The following GRIK2 variants were observed in gnomAD, a reference collection of about 807,000 sequenced individuals.
The protein encoded by GRIK2 is glutamate ionotropic receptor kainate type subunit 2.
Under a neutral mutation model 100.3 loss-of-function variants are expected in GRIK2, and 32 were observed. That is an observed-to-expected ratio of 0.32 (90% CI 0.24 to 0.43). The LOEUF is 0.43. Among genes scored for constraint, GRIK2 ranks in the 20% least tolerant of loss-of-function variants. GRIK2 has a pLI of 1.00. For missense variants in GRIK2, 843 were observed against 1,114.9 expected, an observed-to-expected ratio of 0.76 and a Z score of 3.47; for synonymous variants, 417 against 389.4, an observed-to-expected ratio of 1.07 and a Z score of -0.83.
intron 2 of GRIK2, among the ~76,000 whole-genome samples, chr6:101,459,097 C>A (rs1217133823): frequency 3.0e-5 from 2 of 67,516 alleles, no homozygotes; most frequent in Non-Finnish European, 5.5e-5. Context: ...GCTAAGGTCC[C>A]CAGAACACCA....
chr6:101,648,534 T>C (rs1460381080), intron 4 of GRIK2, among the ~76,000 whole-genome samples: 3 of 152,124 alleles, frequency 2.0e-5, no homozygotes, highest in Non-Finnish European at 4.4e-5. Flanking sequence ...AATATAAAAA[T>C]TTCCTTTGAA....
intron 10 of GRIK2, among the ~76,000 whole-genome samples, chr6:101,850,880 A>G (rs1784092857): frequency 6.6e-6 from 1 of 152,034 alleles, no homozygotes; most frequent in South Asian, 2.1e-4. Context: ...GTGATGCAGT[A>G]ATTGCTTTTG....
At chr6:101,512,791 T>G (rs1483118145) in intron 2 of GRIK2, among the ~76,000 whole-genome samples, 1 of 152,038 alleles carries the variant, frequency 6.6e-6, no homozygotes, top group East Asian at 1.9e-4. Flanking sequence ...TAAAGAATCA[T>G]TATATTTTAA....
intron 9 of GRIK2, among the ~76,000 whole-genome samples, chr6:101,803,604 A>G (rs1780808218): frequency 6.6e-6 from 1 of 151,958 alleles, no homozygotes; most frequent in African/African-American, 2.4e-5. Context: ...TGATAATGGT[A>G]GAATTCAGTA....
chr6:101,617,433 T>C (rs1321236015), intron 2 of GRIK2, among the ~76,000 whole-genome samples: 1 of 151,852 alleles, frequency 6.6e-6, no homozygotes, highest in East Asian at 1.9e-4. Context: ...TAGTTCTTTA[T>C]TGATGCAGGT....
chr6:101,752,824 AAAGTT>A (rs1286635631), intron 7 of GRIK2, among the ~76,000 whole-genome samples: 3 of 152,334 alleles, frequency 2.0e-5, no homozygotes, highest in Middle Eastern at 6.8e-3. Flanking sequence ...AGCTTTGTAC[AAAGTT>A]AAGTAGTTTT....
chr6:101,693,595 G>A (rs1329066610), intron 7 of GRIK2, among the ~76,000 whole-genome samples: 3 of 152,030 alleles, frequency 2.0e-5, no homozygotes, highest in Non-Finnish European at 2.9e-5. Context: ...TGGTTAGAAC[G>A]TGGACTTATT....
chr6:101,731,920 A>G (rs1429885378), intron 7 of GRIK2, among the ~76,000 whole-genome samples: 1 of 152,058 alleles, frequency 6.6e-6, no homozygotes, highest in Admixed American at 6.6e-5. Context: ...TAGTTTTCCT[A>G]GGAATTACAA....
intron 2 of GRIK2, among the ~76,000 whole-genome samples, chr6:101,495,004 G>T (rs1773357562): frequency 2.5e-5 from 2 of 79,186 alleles, no homozygotes; most frequent in Non-Finnish European, 5.5e-5. Flanking sequence ...TATATATGAA[G>T]GAAAATTATA....
chr6:101,598,600 A>G (rs1353562155), intron 2 of GRIK2, among the ~76,000 whole-genome samples: 1 of 142,242 alleles, frequency 7.0e-6, no homozygotes, highest in Non-Finnish European at 1.5e-5. Context: ...AATAAAAAAA[A>G]AAAAAAAAAA....
At chr6:101,810,747 A>G (rs80293046) in intron 9 of GRIK2, among the ~76,000 whole-genome samples, 9,927 of 150,964 alleles carry the variant, frequency 0.066, 349 homozygotes, top group African/African-American at 0.091. Flanking sequence ...GCAACTAACT[A>G]TCTCTACTTT....
chr6:101,514,735 G>T (rs1774496555), intron 2 of GRIK2, among the ~76,000 whole-genome samples: 1 of 152,030 alleles, frequency 6.6e-6, no homozygotes, highest in African/African-American at 2.4e-5. Context: ...CTGTGGAAAT[G>T]TATAAAGTGA....
intron 12 of GRIK2, among the ~76,000 whole-genome samples, chr6:101,907,666 A>G (rs1186425749): frequency 6.6e-6 from 1 of 151,670 alleles, no homozygotes; most frequent in East Asian, 1.9e-4. Context: ...GCGGTTTTTA[A>G]GAGGAATCTG....
intron 2 of GRIK2, among the ~76,000 whole-genome samples, chr6:101,617,388 A>C (rs1422832673): frequency 6.6e-6 from 1 of 151,690 alleles, no homozygotes; most frequent in Non-Finnish European, 1.5e-5. Flanking sequence ...TCACTCAATC[A>C]TTTGTTTGTG....
intron 9 of GRIK2, among the ~76,000 whole-genome samples, chr6:101,808,550 A>G (rs1028876122): frequency 7.9e-5 from 12 of 151,976 alleles, no homozygotes; most frequent in African/African-American, 2.2e-4. Flanking sequence ...GTTTCTAAGT[A>G]CAGGTGTAAA....
intron 7 of GRIK2, among the ~76,000 whole-genome samples, chr6:101,706,978 T>C (rs894593627): frequency 1.3e-5 from 2 of 151,892 alleles, no homozygotes; most frequent in African/African-American, 2.4e-5. Flanking sequence ...TAAGAAGATA[T>C]GGATTTTCTT....
chr6:101,645,922 C>T (rs1582885476), intron 4 of GRIK2, among the ~76,000 whole-genome samples: 2 of 151,982 alleles, frequency 1.3e-5, no homozygotes, highest in East Asian at 3.9e-4. Context: ...TTTTTGAAGG[C>T]TTATTATGCA....
intron 2 of GRIK2, among the ~76,000 whole-genome samples, chr6:101,574,528 C>T (rs1458248221): frequency 6.7e-6 from 1 of 149,022 alleles, no homozygotes; most frequent in Non-Finnish European, 1.5e-5. Flanking sequence ...AATTTTTAGA[C>T]AATAAAATAT....
chr6:101,859,826 T>C (rs796946093), intron 11 of GRIK2, among the ~76,000 whole-genome samples: 10 of 152,244 alleles, frequency 6.6e-5, no homozygotes, highest in African/African-American at 2.2e-4. Context: ...TTAATTAGCT[T>C]TTAAAGGAGT....
Sources: gnomAD v4.1 joint callset for allele counts (sites outside exome capture counted in the v4.1 genomes callset) on GRCh38, gnomAD v4.1.1 for gene constraint, MANE v1.5 for transcripts, NCBI Gene and HGNC (gene_info 2026-07-23, HGNC 2026-07-21) for gene names.